The following FAM174B variants were observed in gnomAD, a reference collection of about 807,000 sequenced individuals.
FAM174B encodes the protein family with sequence similarity 174 member B, also known as membrane protein FAM174B.
Under a neutral mutation model 10.9 loss-of-function variants are expected in FAM174B, and 12 were observed. The ratio of observed to expected loss-of-function variants is 1.10; its 90% CI spans 0.71 to 1.79. The LOEUF (loss-of-function observed/expected upper bound fraction) is 1.79. Ranked by LOEUF, FAM174B falls within the 40% of genes most tolerant of loss-of-function variation. FAM174B has a pLI of 0.00. For missense variants in FAM174B, 266 were observed against 233.3 expected, an observed-to-expected ratio of 1.14 and a Z score of -0.91; for synonymous variants, 132 against 115.8, an observed-to-expected ratio of 1.14 and a Z score of -0.90.
Position 92,619,461 on chromosome 15 carries a change from T to G in FAM174B, c.477-2A>C. ...ACCAGGCTGGGAAACAGGTTTTACC[T>G]AAAAGAAAGGGAAGGACAAGAGTAA... On this transcript the variant is annotated splice_acceptor_variant, in intron 2 of 2. Transcript: ENST00000327355. LOFTEE classifies it high-confidence loss of function. 1 of 1,613,694 alleles carries G rather than the reference T, an allele frequency of 6.2e-7. No homozygotes were observed. Among genetic ancestry groups the G allele is most frequent in the Non-Finnish European group, 8.5e-7 (1 of 1,179,750 alleles).
intron 1 of FAM174B, among the ~76,000 whole-genome samples, chr15:92,653,848 T>G (rs2050983108): frequency 1.3e-5 from 2 of 152,232 alleles, no homozygotes; most frequent in South Asian, 4.1e-4. Flanking sequence ...CTGGTTGATG[T>G]CTGCGTTGCA....
chr15:92,632,302 T>C (rs547327895), intron 1 of FAM174B, among the ~76,000 whole-genome samples: 78 of 152,332 alleles, frequency 5.1e-4, no homozygotes, highest in Admixed American at 2.5e-3. Context: ...CCTAGCACTT[T>C]GGGAGGCCAA....
chr15:92,622,288 G>A (rs146862859), intron 2 of FAM174B, among the ~76,000 whole-genome samples: 64 of 152,338 alleles, frequency 4.2e-4, no homozygotes, highest in Middle Eastern at 3.4e-3. Context: ...ACTGCTCATC[G>A]CAGAATCCTT....
In FAM174B at chr15:92,655,351, G is replaced by A; in HGVS notation, c.309C>T (p.Thr103=). 1 of 1,584,916 alleles carries A rather than the reference G, an allele frequency of 6.3e-7. No individual in the cohort carries two copies. The highest frequency in any genetic ancestry group is 1.1e-5 in the South Asian group (1 of 88,102). Residue 103 remains threonine, a synonymous_variant, in exon 1 of 3, where the codon ACC becomes ACT. Coordinates refer to ENST00000327355, the MANE Select transcript of FAM174B (RefSeq NM_207446.3). ...GCAGCAGCAGGCAGGCGATGAGGAGGGTGGTAAAGGCGAACGCCACGATCA... is the reference window on the plus strand; with the variant it reads ...GCAGCAGCAGGCAGGCGATGAGGAGAGTGGTAAAGGCGAACGCCACGATCA... ...AAVIVAFAFT[T]LLIACLLLRV...
intron 1 of FAM174B, among the ~76,000 whole-genome samples, chr15:92,650,084 T>A (rs1443208983): frequency 2.6e-5 from 4 of 152,152 alleles, no homozygotes; most frequent in Non-Finnish European, 5.9e-5. Flanking sequence ...CATGAAATAA[T>A]AAGCAATGAC....
intron 2 of FAM174B, 178 bp from the exon 3 acceptor site, chr15:92,619,637 C>G: frequency 1.5e-6 from 1 of 660,174 alleles, no homozygotes; most frequent in Non-Finnish European, 2.6e-6. Flanking sequence ...CAGCAAACCC[C>G]CTCCCTCCCC....
At chr15:92,621,354 G>C (rs950199413) in intron 2 of FAM174B, among the ~76,000 whole-genome samples, 1 of 152,152 alleles carries the variant, frequency 6.6e-6, no homozygotes, top group Admixed American at 6.5e-5. Flanking sequence ...GGTCGCGCCC[G>C]TAATCCCAGA....
chr15:92,626,050 C>G (rs1396828742), intron 2 of FAM174B, among the ~76,000 whole-genome samples: 1 of 151,946 alleles, frequency 6.6e-6, no homozygotes, highest in Admixed American at 6.6e-5. Flanking sequence ...CGTATCTACA[C>G]AGAAAACCCA....
chr15:92,645,396 G>A (rs1238094924), intron 1 of FAM174B: 1 of 152,250 alleles, frequency 6.6e-6, no homozygotes, highest in African/African-American at 2.4e-5. Context: ...ACCCTGAAGA[G>A]CTCAATGACA....
chr15:92,634,294 A>T (rs1056305365), intron 1 of FAM174B: 1 of 152,226 alleles, frequency 6.6e-6, no homozygotes, highest in African/African-American at 2.4e-5. Context: ...GCAAAATTGG[A>T]TTAGCAAACC....
intron 1 of FAM174B, among the ~76,000 whole-genome samples, chr15:92,644,022 T>G (rs1361941336): frequency 5.9e-5 from 9 of 152,094 alleles, no homozygotes; most frequent in Non-Finnish European, 1.0e-4. Flanking sequence ...ACAGACCTGT[T>G]TCGCTTTTAC....
chr15:92,627,956 G>C (rs1057159733), intron 2 of FAM174B, among the ~76,000 whole-genome samples: 3 of 152,092 alleles, frequency 2.0e-5, no homozygotes, highest in African/African-American at 7.2e-5. Context: ...TCAGAGAATT[G>C]GTTCCAAGAC....
rs182226434 is a variant in FAM174B, at chr15:92,625,804, A to G, written c.476+4410T>C. ...TTAACATTACCTCTGTAATAAGAAA[A>G]GCCAGCACTACTTAGTCTTTCCGAA... On this transcript the variant is annotated intron_variant, in intron 2 of 2. Coordinates refer to ENST00000327355, the MANE Select transcript of FAM174B (RefSeq NM_207446.3). Among the ~76,000 whole-genome samples the G allele has an allele frequency of 1.7e-3, 252 of 152,352 alleles. 1 individual carries two copies. The highest frequency in any genetic ancestry group is 5.8e-3 in the African/African-American group (242 of 41,584).
At chr15:92,629,250 A>G (rs56338720) in intron 2 of FAM174B, among the ~76,000 whole-genome samples, 13,346 of 152,210 alleles carry the variant, frequency 0.088, 1,021 homozygotes, top group African/African-American at 0.2. Context: ...TGGGTCTTCG[A>G]GCCCTCGTCT....
Position 92,653,644 on chromosome 15 carries a change from A to C in FAM174B, c.344+1672T>G, listed in dbSNP as rs115892170. Reference sequence around the variant, plus strand: ...GGCATGGTTGGACTGAAGGATGCACAGATTAGGGATGAGGAGGTCAGAAAA... The same window carrying C: ...GGCATGGTTGGACTGAAGGATGCACCGATTAGGGATGAGGAGGTCAGAAAA... On this transcript the variant is annotated intron_variant, in intron 1 of 2. Coordinates refer to ENST00000327355, the MANE Select transcript of FAM174B (RefSeq NM_207446.3). Among the ~76,000 whole-genome samples, 403 of 152,394 alleles carry C rather than the reference A, an allele frequency of 2.6e-3. 1 individual carries two copies. The highest frequency in any genetic ancestry group is 9.4e-3 in the African/African-American group (390 of 41,600).
chr15:92,639,174 T>C (rs1379565080), intron 1 of FAM174B: 1 of 152,250 alleles, frequency 6.6e-6, no homozygotes, highest in Non-Finnish European at 1.5e-5. Context: ...CCTCTGGATG[T>C]GCCCCAACCC....
Position 92,636,035 on chromosome 15 carries a change from C to G in FAM174B, c.345-5690G>C, listed in dbSNP as rs1187323173. On this transcript the variant is annotated intron_variant, in intron 1 of 2. Transcript: ENST00000327355. ...GGCTCAGAGAACAGTGCAGTTCTGC[C>G]TCAGAGAGAGAGAAAACGTGAGAAA... 2.6e-5 allele frequency among the ~76,000 whole-genome samples: 4 copies of G among 152,298 alleles called. No individual in the cohort carries two copies. In the East Asian group the frequency reaches 5.8e-4, roughly 22 times the overall value.
At chr15:92,622,092 G>A (rs2141947171) in intron 2 of FAM174B, among the ~76,000 whole-genome samples, 1 of 152,326 alleles carries the variant, frequency 6.6e-6, no homozygotes, top group Admixed American at 6.5e-5. Context: ...AGAATCAACG[G>A]AGATGCAAAC....
In FAM174B at chr15:92,636,371, G is replaced by A. The variant is rs369028776; in HGVS notation, c.345-6026C>T. Among the ~76,000 whole-genome samples, 5 of 152,246 alleles carry A rather than the reference G, an allele frequency of 3.3e-5. No homozygotes were observed. In the East Asian group the frequency reaches 7.7e-4, roughly 23 times the overall value. The stretch of plus-strand genomic sequence containing the variant: ...AACTTTTCCTGGGTGCCAGCTAAGC[G>A]ATTTAAATTTGTGATCAAATGTAAA... On this transcript the variant is annotated intron_variant, in intron 1 of 2. Coordinates refer to ENST00000327355, the MANE Select transcript of FAM174B (RefSeq NM_207446.3).
Sources: allele counts gnomAD v4.1 joint callset (sites outside exome capture counted in the v4.1 genomes callset), GRCh38; gene constraint gnomAD v4.1.1; transcripts MANE v1.5; gene names NCBI Gene and HGNC (gene_info 2026-07-23, HGNC 2026-07-21).